KDM4A: variants seen among roughly 807,000 people sequenced by gnomAD.
KDM4A encodes lysine demethylase 4A.
Under a neutral mutation model 127.1 loss-of-function variants are expected in KDM4A, and 23 were observed. The ratio of observed to expected loss-of-function variants is 0.18; its 90% CI spans 0.13 to 0.26. KDM4A has a LOEUF of 0.26. Ranked by LOEUF, KDM4A falls within the 10% of genes least tolerant of loss-of-function variation. The pLI, the probability that KDM4A is intolerant of heterozygous loss-of-function variation, is 1.00. For missense variants in KDM4A, 890 were observed against 1,329.1 expected (o/e 0.67, Z 5.14); for synonymous variants, 443 against 466.5 (o/e 0.95, Z 0.65).
chr1:43,703,387 T>C (rs559153809), intron 19 of KDM4A: 105 of 426,160 alleles, frequency 2.5e-4, no homozygotes, highest in African/African-American at 2.0e-3. Flanking sequence ...AAGTTTGTTA[T>C]AGCTGGATTT....
intron 5 of KDM4A, among the ~76,000 whole-genome samples, chr1:43,664,310 T>C (rs1408923886): frequency 6.6e-6 from 1 of 151,966 alleles, no homozygotes; most frequent in South Asian, 2.1e-4. Flanking sequence ...CTCACACCTG[T>C]AATCCCAGCA....
intron 12 of KDM4A, 137 bp downstream of exon 12, chr1:43,683,941 G>C: frequency 1.0e-6 from 1 of 955,942 alleles, no homozygotes; most frequent in Non-Finnish European, 1.5e-6. Context: ...TCCATAAAGA[G>C]AGGACCGGAT....
In KDM4A at chr1:43,667,098, C is replaced by G; in HGVS notation, c.915+7C>G. The G allele has an allele frequency of 6.2e-7, 1 of 1,613,990 alleles. No individual in the cohort carries two copies. The highest frequency in any genetic ancestry group is 8.5e-7 in the Non-Finnish European group (1 of 1,179,974). On this transcript the variant is annotated splice_region_variant and intron_variant, in intron 8 of 21. Coordinates refer to ENST00000372396, the MANE Select transcript of KDM4A (RefSeq NM_014663.3). ...CGGCAAGCAAGCTGTGCTGGTAAGTCTGCTTGATTTCTTTCTATAACACCA... is the reference window on the plus strand; with the variant it reads ...CGGCAAGCAAGCTGTGCTGGTAAGTGTGCTTGATTTCTTTCTATAACACCA...
chr1:43,671,701 T>A lies in KDM4A; in HGVS notation c.1560T>A (p.Ser520=). 6.2e-7 allele frequency: 1 copy of A among 1,613,368 alleles called. No homozygotes were observed. Among genetic ancestry groups the A allele is most frequent in the Non-Finnish European group, 8.5e-7 (1 of 1,179,774 alleles). The change falls in exon 11 of 22, where the codon TCT becomes TCA. Residue 520 remains serine (S), a synonymous_variant. Coordinates refer to ENST00000372396, the MANE Select transcript of KDM4A (RefSeq NM_014663.3). Reference sequence around the variant, plus strand: ...TGGGCTCTGGCTCTTCACGGGATTCTATCTCTTCTGATTCAGAAACTAGTG... The same window carrying A: ...TGGGCTCTGGCTCTTCACGGGATTCAATCTCTTCTGATTCAGAAACTAGTG... ...SSLGSGSSRD[S]ISSDSETSEP...
At chr1:43,657,750 CTTTTT>C (rs140666245) in intron 3 of KDM4A, among the ~76,000 whole-genome samples, 1 of 116,454 alleles carries the variant, frequency 8.6e-6, no homozygotes, top group Non-Finnish European at 1.7e-5. Context: ...TTTTTCTTTT[CTTTTT>C]TTTTTTTTTT....
intron 11 of KDM4A, 71 bp downstream of exon 11, chr1:43,671,946 G>T: frequency 6.8e-7 from 1 of 1,476,040 alleles, no homozygotes; most frequent in South Asian, 1.5e-5. Flanking sequence ...GGGGATCTGT[G>T]TGGGGGAGGG....
rs759703904 is a variant in KDM4A at position 43,653,257 on chromosome 1, A to G, written c.82A>G (p.Ser28Gly). ...YPTMEEFRNFSRYIAYIESQG... is the reference protein window; with the variant it reads ...YPTMEEFRNFGRYIAYIESQG... ...AACTATGGAAGAGTTCCGAAACTTC[A>G]GTAGATACATTGCCTACATTGAATC... Residue 28 changes from serine (S) to glycine (G), a missense_variant, in exon 2 of 22, where the codon AGT becomes GGT. This residue lies in a region of KDM4A where 35 missense variants were observed against 27.7 expected (regional missense o/e 1.26). Coordinates refer to ENST00000372396, the MANE Select transcript of KDM4A (RefSeq NM_014663.3). The G allele has an allele frequency of 2.5e-5, 41 of 1,613,954 alleles. 1 individual carries two copies. The South Asian group carries it at 4.5e-4, about 18-fold the overall frequency.
Position 43,688,507 on chromosome 1 carries a change from C to G in KDM4A, c.1856-407C>G, listed in dbSNP as rs1661039356. ...GTTTAGTTGCACTAAAGGGAAAACTCTAAAAGGTAAAGGACTTAACAGGCT... is the reference window on the plus strand; with the variant it reads ...GTTTAGTTGCACTAAAGGGAAAACTGTAAAAGGTAAAGGACTTAACAGGCT... On this transcript the variant is annotated intron_variant, in intron 12 of 21. Transcript: ENST00000372396. This position sits in a 1 kb window ranked among gnomAD's most constrained non-coding sequence, Gnocchi z 4.4. Among the ~76,000 whole-genome samples the G allele has an allele frequency of 6.6e-6, 1 of 152,206 alleles. No homozygotes were observed.
chr1:43,690,865 T>C lies in KDM4A; in HGVS notation c.2058T>C (p.Asn686=), dbSNP rs752556754. The C allele has an allele frequency of 1.9e-6, 3 of 1,614,156 alleles. No homozygotes were observed. Among genetic ancestry groups the C allele is most frequent in the South Asian group, 2.2e-5 (2 of 91,084 alleles). The part of the protein sequence containing the change: ...TYHQVEFGGF[N]QNCGNASDLA... ...CTTAGGTTGAATTTGGAGGCTTTAA[T>C]CAGAACTGTGGAAATGCTTCAGATT... Residue 686 remains asparagine, a synonymous_variant, in exon 14 of 22, where the codon AAT becomes AAC. Coordinates refer to ENST00000372396, the MANE Select transcript of KDM4A (RefSeq NM_014663.3).
At chr1:43,698,794 A>G (rs952506384) in intron 19 of KDM4A, among the ~76,000 whole-genome samples, 4 of 152,116 alleles carry the variant, frequency 2.6e-5, no homozygotes, top group Admixed American at 2.6e-4. Flanking sequence ...TCATTTATTT[A>G]TATTTTATTT....
At chr1:43,651,446 T>A (rs1489723201) in intron 1 of KDM4A, among the ~76,000 whole-genome samples, 5 of 152,206 alleles carry the variant, frequency 3.3e-5, no homozygotes, top group African/African-American at 1.2e-4. Context: ...CACGCCTTAT[T>A]TTTGATAGGA....
At chr1:43,675,598 C>G (rs1427051941) in intron 11 of KDM4A, among the ~76,000 whole-genome samples, 1 of 152,146 alleles carries the variant, frequency 6.6e-6, no homozygotes, top group Non-Finnish European at 1.5e-5. Flanking sequence ...GCATATAGGA[C>G]TGGAGAGGGC....
chr1:43,691,082 C>T (rs1661098504), intron 14 of KDM4A, 33 bp downstream of exon 14: 3 of 1,606,852 alleles, frequency 1.9e-6, no homozygotes, highest in Middle Eastern at 1.9e-4. Context: ...TGTGTCCTGT[C>T]CCAGGAGTAT....
At chr1:43,660,204 C>A in intron 3 of KDM4A, 94 bp from the exon 4 acceptor site, 1 of 1,323,940 alleles carries the variant, frequency 7.6e-7, no homozygotes, top group Non-Finnish European at 1.1e-6. Context: ...GAAATTCTTG[C>A]TGTCACTGGA....
At chr1:43,696,348 A>G (rs1661238017) in intron 18 of KDM4A, among the ~76,000 whole-genome samples, 1 of 152,236 alleles carries the variant, frequency 6.6e-6, no homozygotes, top group African/African-American at 2.4e-5. Flanking sequence ...AGAAGAGGCG[A>G]TCATACAAGT....
intron 19 of KDM4A, among the ~76,000 whole-genome samples, chr1:43,699,599 ATTC>A (rs1661332955): frequency 6.6e-6 from 1 of 152,134 alleles, no homozygotes; most frequent in African/African-American, 2.4e-5. Flanking sequence ...AAACGTATTT[ATTC>A]TTATTAGAAA....
chr1:43,685,188 C>G (rs1245535013), intron 12 of KDM4A, among the ~76,000 whole-genome samples: 1 of 152,100 alleles, frequency 6.6e-6, no homozygotes, highest in Admixed American at 6.5e-5. Context: ...GCAGGGTAAG[C>G]AGCCATGTGT....
intron 10 of KDM4A, among the ~76,000 whole-genome samples, chr1:43,669,649 A>ATT (rs35764940): frequency 9.0e-4 from 127 of 141,194 alleles, no homozygotes; most frequent in African/African-American, 3.0e-3. Flanking sequence ...GGAGATGGGA[A>ATT]TTTTTTTTTT....
chr1:43,650,498 C>G (rs1051358301), intron 1 of KDM4A: 5 of 152,286 alleles, frequency 3.3e-5, no homozygotes, highest in African/African-American at 9.7e-5. Context: ...TTCCTGCGGC[C>G]GAGCTTCACT....
Sources: gnomAD v4.1 joint callset for allele counts (sites outside exome capture counted in the v4.1 genomes callset) on GRCh38, gnomAD v4.1.1 for gene constraint, gnomAD v4.1.1 regional missense constraint, Gnocchi (gnomAD v3.1) non-coding constraint, MANE v1.5 for transcripts, NCBI Gene and HGNC (gene_info 2026-07-23, HGNC 2026-07-21) for gene names.